The following PRKN variants were observed in gnomAD, a reference collection of about 807,000 sequenced individuals.
PRKN encodes E3 ubiquitin-protein ligase parkin.
PRKN carries 56 observed loss-of-function variants against 59.5 expected under a neutral mutation model. The ratio of observed to expected loss-of-function variants is 0.94; its 90% confidence interval spans 0.76 to 1.18. The LOEUF is 1.18. Among genes scored for constraint, PRKN ranks in the 50% most tolerant of loss-of-function variants. The probability of loss-of-function intolerance (pLI) is 0.00; values close to 1 mark genes in which losing one functional copy is unlikely to be tolerated. For missense variants in PRKN, 657 were observed against 596.4 expected (o/e 1.10, Z -1.06); for synonymous variants, 250 against 222.1 (o/e 1.13, Z -1.12).
At chr6:161,970,399 C>CTA (rs57166297) in intron 6 of PRKN, among the ~76,000 whole-genome samples, 31,507 of 145,988 alleles carry the variant, frequency 0.22, 3,710 homozygotes, top group South Asian at 0.3. Context: ...TGATACGAAA[C>CTA]TATATATATA....
intron 7 of PRKN, among the ~76,000 whole-genome samples, chr6:161,671,038 G>A (rs1784890215): frequency 6.6e-6 from 1 of 152,086 alleles, no homozygotes; most frequent in African/African-American, 2.4e-5. Context: ...TTTTCTTCAT[G>A]TTTGTTTTTT....
intron 3 of PRKN, among the ~76,000 whole-genome samples, chr6:162,225,604 C>G (rs886486435): frequency 2.0e-5 from 3 of 152,118 alleles, no homozygotes; most frequent in African/African-American, 7.2e-5. Flanking sequence ...GCACATCTCC[C>G]CAACACTATG....
Position 162,040,572 on chromosome 6 carries a change from ATT to A in PRKN, c.618+13517_618+13518del, listed in dbSNP as rs35272845. ...CAGGCGCCCACCACCATGCCCGGCT[ATT>A]TTTTTTTTTTTTTTTTTGTATTTTT... On this transcript the variant is annotated intron_variant, in intron 5 of 11. Coordinates refer to ENST00000366898, the MANE Select transcript of PRKN (RefSeq NM_004562.3). 7.0e-3 allele frequency among the ~76,000 whole-genome samples: 797 copies of A among 113,062 alleles called. 2 individuals are homozygous for A. Among genetic ancestry groups the A allele is most frequent in the African/African-American group, 0.016 (475 of 29,800 alleles). 74.2% of individuals were successfully genotyped at this position (113,062 alleles called of 152,430 possible).
rs1790616704 is a variant in PRKN, at chr6:161,468,846, C to T, written c.1083+80008G>A. Among the ~76,000 whole-genome samples, 1 of 152,172 alleles carries T rather than the reference C, an allele frequency of 6.6e-6. No individual in the cohort carries two copies. Among genetic ancestry groups the T allele is most frequent in the Non-Finnish European group, 1.5e-5 (1 of 68,038 alleles). ...TGAAGGCCCTCATGCTCACTGTCAG[C>T]CTATACACCTGTCAGTCCTTCCCAT... On this transcript the variant is annotated intron_variant, in intron 9 of 11. Coordinates refer to ENST00000366898, the MANE Select transcript of PRKN (RefSeq NM_004562.3). This position sits in a 1 kb window ranked among gnomAD's most constrained non-coding sequence, Gnocchi z 5.9.
At chr6:161,689,745 T>C (rs1280720767) in intron 7 of PRKN, among the ~76,000 whole-genome samples, 1 of 152,084 alleles carries the variant, frequency 6.6e-6, no homozygotes, top group South Asian at 2.1e-4. Flanking sequence ...AGTTTTGCTG[T>C]TTTTGCCCAG....
chr6:161,800,172 A>C (rs575224116), intron 6 of PRKN, among the ~76,000 whole-genome samples: 1 of 152,150 alleles, frequency 6.6e-6, no homozygotes, highest in East Asian at 1.9e-4. Context: ...ATGCATGGAC[A>C]TGGTGAAAGC....
chr6:161,577,748 G>T (rs185645297), intron 7 of PRKN, among the ~76,000 whole-genome samples: 57 of 152,254 alleles, frequency 3.7e-4, no homozygotes, highest in African/African-American at 1.3e-3. Context: ...ATGCAGATTG[G>T]TATTTTCTGG....
chr6:162,661,947 T>C (rs1465043778), intron 1 of PRKN, among the ~76,000 whole-genome samples: 1 of 152,176 alleles, frequency 6.6e-6, no homozygotes, highest in Admixed American at 6.5e-5. Context: ...CTGTACCCAG[T>C]AGGTTTTTCA....
intron 1 of PRKN, among the ~76,000 whole-genome samples, chr6:162,718,010 T>C (rs1244774770): frequency 6.6e-6 from 1 of 152,178 alleles, no homozygotes; most frequent in African/African-American, 2.4e-5. Context: ...CCCAAAGATA[T>C]AATTTGCCGG....
At position 161,579,298 on chromosome 6, in the gene PRKN, A is replaced by C. The variant is rs376228161; in HGVS notation, c.872-9882T>G. Among the ~76,000 whole-genome samples, 194 of 152,294 alleles carry C rather than the reference A, an allele frequency of 1.3e-3. 1 individual carries two copies. Among genetic ancestry groups the C allele is most frequent in the African/African-American group, 4.5e-3 (187 of 41,554 alleles). ...GTCATCCCCCAAGTGGGTGTAACCAAAAAGGGCACTTAGGTTAGGCACATC... is the reference window on the plus strand; with the variant it reads ...GTCATCCCCCAAGTGGGTGTAACCACAAAGGGCACTTAGGTTAGGCACATC... On this transcript the variant is annotated intron_variant, in intron 7 of 11. Transcript: ENST00000366898. This position sits in a 1 kb window ranked among gnomAD's most constrained non-coding sequence, Gnocchi z 4.2.
intron 9 of PRKN, among the ~76,000 whole-genome samples, chr6:161,455,285 C>T (rs1272691047): frequency 6.6e-6 from 1 of 152,044 alleles, no homozygotes. Flanking sequence ...GATCCACCTG[C>T]CTCGGCCTCC....
chr6:161,929,337 T>C (rs184149943), intron 6 of PRKN, among the ~76,000 whole-genome samples: 19 of 152,234 alleles, frequency 1.2e-4, no homozygotes, highest in African/African-American at 4.1e-4. Flanking sequence ...AGCTTAGTGA[T>C]TGCCAGAGGC....
chr6:161,707,049 T>A (rs889594508), intron 7 of PRKN, among the ~76,000 whole-genome samples: 1 of 152,232 alleles, frequency 6.6e-6, no homozygotes, highest in Admixed American at 6.5e-5. Flanking sequence ...AAGCTTTCAA[T>A]TTTTCCTGTC....
intron 6 of PRKN, among the ~76,000 whole-genome samples, chr6:161,847,804 G>GA (rs974384501): frequency 1.3e-5 from 2 of 152,192 alleles, no homozygotes; most frequent in Non-Finnish European, 2.9e-5. Flanking sequence ...ATAGGACTGG[G>GA]AACCAGGTCC....
intron 6 of PRKN, among the ~76,000 whole-genome samples, chr6:161,864,295 G>C (rs1250472757): frequency 6.6e-6 from 1 of 152,114 alleles, no homozygotes; most frequent in African/African-American, 2.4e-5. Flanking sequence ...TCTCAACAAT[G>C]TTCACACCAT....
At chr6:161,743,016 C>T (rs1028685718) in intron 7 of PRKN, among the ~76,000 whole-genome samples, 12 of 152,106 alleles carry the variant, frequency 7.9e-5, no homozygotes, top group Non-Finnish European at 7.4e-5. Flanking sequence ...GACTGTAATA[C>T]TCTAAGAAGC....
At position 162,026,664 on chromosome 6, in the gene PRKN, CT is replaced by C. The variant is rs201407826; in HGVS notation, c.618+27426del. On this transcript the variant is annotated intron_variant, in intron 5 of 11. Transcript: ENST00000366898. ...TCTTAATATGTACTTATCTGCTTTG[CT>C]TTTTTTTCCCCCCACAAATGGCATT... 7.1e-3 allele frequency among the ~76,000 whole-genome samples: 1,085 copies of C among 152,036 alleles called. 13 individuals carry two copies. Among genetic ancestry groups the C allele is most frequent in the African/African-American group, 0.023 (966 of 41,448 alleles).
intron 7 of PRKN, among the ~76,000 whole-genome samples, chr6:161,678,568 ATTTT>A (rs201640028): frequency 8.2e-6 from 1 of 121,438 alleles, no homozygotes; most frequent in East Asian, 2.3e-4. Flanking sequence ...TTGGTGCCTG[ATTTT>A]TTTTTTTTTT....
intron 6 of PRKN, among the ~76,000 whole-genome samples, chr6:161,926,373 T>A (rs778306275): frequency 6.6e-5 from 10 of 152,240 alleles, no homozygotes; most frequent in Non-Finnish European, 1.2e-4. Flanking sequence ...CATCTGTCTG[T>A]TGTGGTTATT....
Sources: allele counts gnomAD v4.1 joint callset (sites outside exome capture counted in the v4.1 genomes callset), GRCh38; gene constraint gnomAD v4.1.1; non-coding constraint Gnocchi (gnomAD v3.1); transcripts MANE v1.5; gene names NCBI Gene and HGNC (gene_info 2026-07-23, HGNC 2026-07-21).